The following KCNAB1 variants were observed in gnomAD, a reference collection of about 807,000 sequenced individuals.
KCNAB1 encodes the protein potassium voltage-gated channel subfamily A regulatory beta subunit 1.
Under a neutral mutation model 64.6 loss-of-function variants are expected in KCNAB1, and 35 were observed. The observed-to-expected ratio is 0.54, with a 90% CI of 0.41 to 0.72. The LOEUF (loss-of-function observed/expected upper bound fraction) is 0.72. Among genes scored for constraint, KCNAB1 ranks in the 30% least tolerant of loss-of-function variants. The pLI, the probability that KCNAB1 is intolerant of heterozygous loss-of-function variation, is 0.00. For missense variants in KCNAB1, 401 were observed against 512.9 expected, an observed-to-expected ratio of 0.78 and a Z score of 2.11; for synonymous variants, 177 against 183.8, an observed-to-expected ratio of 0.96 and a Z score of 0.30.
intron 1 of KCNAB1, among the ~76,000 whole-genome samples, chr3:156,386,449 A>T (rs902226604): frequency 6.6e-6 from 1 of 152,204 alleles, no homozygotes; most frequent in Non-Finnish European, 1.5e-5. Flanking sequence ...CTTAATGCAC[A>T]TGACAGGGAA....
At chr3:156,177,686 T>G (rs536744121) in intron 1 of KCNAB1, among the ~76,000 whole-genome samples, 1 of 149,976 alleles carries the variant, frequency 6.7e-6, no homozygotes, top group African/African-American at 2.5e-5. Flanking sequence ...CGTTTTTAAT[T>G]TTTTTGAGAA....
chr3:156,399,990 C>T (rs565530895), intron 1 of KCNAB1, among the ~76,000 whole-genome samples: 23 of 152,300 alleles, frequency 1.5e-4, no homozygotes, highest in African/African-American at 2.4e-4. Flanking sequence ...CACCCTCACA[C>T]GCCTTCCATA....
intron 1 of KCNAB1, among the ~76,000 whole-genome samples, chr3:156,139,515 AC>A (rs1364189508): frequency 1.5e-4 from 23 of 149,910 alleles, no homozygotes; most frequent in African/African-American, 5.7e-4. Context: ...ACTGGTGGCT[AC>A]CATAAGTGAT....
intron 1 of KCNAB1, among the ~76,000 whole-genome samples, chr3:156,198,199 T>G (rs1714080441): frequency 6.6e-6 from 1 of 152,252 alleles, no homozygotes; most frequent in African/African-American, 2.4e-5. Context: ...AGGAATGTTT[T>G]ACTTCCAATT....
At chr3:156,408,085 G>A (rs886207075) in intron 1 of KCNAB1, among the ~76,000 whole-genome samples, 3 of 151,974 alleles carry the variant, frequency 2.0e-5, no homozygotes, top group African/African-American at 7.3e-5. Context: ...GGCGGGACAC[G>A]GAAGAAGCAG....
intron 8 of KCNAB1, among the ~76,000 whole-genome samples, chr3:156,475,757 T>A (rs905859073): frequency 2.0e-5 from 3 of 152,194 alleles, no homozygotes; most frequent in African/African-American, 7.2e-5. Flanking sequence ...GTTCTTGTTA[T>A]AGGGTTATAG....
At chr3:156,505,827 A>G (rs575324744) in intron 8 of KCNAB1, among the ~76,000 whole-genome samples, 1 of 152,234 alleles carries the variant, frequency 6.6e-6, no homozygotes, top group East Asian at 1.9e-4. Flanking sequence ...GGAGTGTATT[A>G]CAAGGCTAGA....
At chr3:156,183,670 G>A (rs1713007193) in intron 1 of KCNAB1, among the ~76,000 whole-genome samples, 1 of 152,116 alleles carries the variant, frequency 6.6e-6, no homozygotes, top group South Asian at 2.1e-4. Flanking sequence ...CCAGTTGCAG[G>A]GGTTTGTAGT....
intron 1 of KCNAB1, among the ~76,000 whole-genome samples, chr3:156,418,576 A>G (rs979627857): frequency 3.3e-5 from 5 of 152,176 alleles, no homozygotes; most frequent in African/African-American, 9.7e-5. Flanking sequence ...GGAATAGCAG[A>G]AATCATGTTG....
chr3:156,472,712 G>C (rs940091656), intron 7 of KCNAB1, among the ~76,000 whole-genome samples: 2 of 152,162 alleles, frequency 1.3e-5, no homozygotes, highest in Admixed American at 6.5e-5. Flanking sequence ...ATTAGTTCCA[G>C]GTACATATTA....
intron 1 of KCNAB1, among the ~76,000 whole-genome samples, chr3:156,186,799 A>C: frequency 1.4e-5 from 2 of 143,864 alleles, no homozygotes; most frequent in Admixed American, 6.9e-5. Context: ...TCCCTTTTAT[A>C]CTCCTCTCCT....
intron 1 of KCNAB1, among the ~76,000 whole-genome samples, chr3:156,295,012 G>A (rs930932839): frequency 6.6e-6 from 1 of 152,168 alleles, no homozygotes; most frequent in African/African-American, 2.4e-5. Context: ...AGGTGCAGAA[G>A]CCAGGTGAAG....
At chr3:156,430,493 C>A (rs910110228) in intron 2 of KCNAB1, among the ~76,000 whole-genome samples, 1 of 152,154 alleles carries the variant, frequency 6.6e-6, no homozygotes, top group Admixed American at 6.5e-5. Flanking sequence ...CAGATCTGGG[C>A]AATTTGCTGA....
intron 2 of KCNAB1, among the ~76,000 whole-genome samples, chr3:156,450,429 C>T (rs566163938): frequency 1.2e-4 from 18 of 152,336 alleles, no homozygotes; most frequent in African/African-American, 4.1e-4. Context: ...GTGCTATTCT[C>T]TATATCTGTG....
At chr3:156,210,205 G>A (rs1451020772) in intron 1 of KCNAB1, among the ~76,000 whole-genome samples, 1 of 152,188 alleles carries the variant, frequency 6.6e-6, no homozygotes, top group Non-Finnish European at 1.5e-5. Context: ...GAATGCCTCT[G>A]CCTCCCCTTG....
chr3:156,405,102 A>G (rs993873850), intron 1 of KCNAB1, among the ~76,000 whole-genome samples: 3 of 152,190 alleles, frequency 2.0e-5, no homozygotes, highest in Non-Finnish European at 4.4e-5. Context: ...CAGAAGAAAT[A>G]TGAACCCTGC....
At chr3:156,202,371 T>C (rs1009387110) in intron 1 of KCNAB1, among the ~76,000 whole-genome samples, 1 of 152,220 alleles carries the variant, frequency 6.6e-6, no homozygotes, top group African/African-American at 2.4e-5. Flanking sequence ...GGTGTAGCCC[T>C]CTGCAGTGTT....
chr3:156,172,636 C>T (rs1206783856), intron 1 of KCNAB1, among the ~76,000 whole-genome samples: 1 of 152,120 alleles, frequency 6.6e-6, no homozygotes, highest in African/African-American at 2.4e-5. Context: ...GTTACTTATT[C>T]CCAGGTCAGT....
chr3:156,314,093 C>A (rs7639374), intron 1 of KCNAB1, among the ~76,000 whole-genome samples: 10,360 of 152,294 alleles, frequency 0.068, 1,094 homozygotes, highest in African/African-American at 0.22. Flanking sequence ...TCTGCCAATT[C>A]ATTAGTAAAC....
Sources: allele counts gnomAD v4.1 joint callset (sites outside exome capture counted in the v4.1 genomes callset), GRCh38; gene constraint gnomAD v4.1.1; transcripts MANE v1.5; gene names NCBI Gene and HGNC (gene_info 2026-07-23, HGNC 2026-07-21).